The following GSN variants were observed in gnomAD, a reference collection of about 807,000 sequenced individuals.
The protein encoded by GSN is gelsolin.
Under a neutral mutation model 85.7 loss-of-function variants are expected in GSN, and 56 were observed. The observed-to-expected ratio is 0.65, with a 90% confidence interval of 0.53 to 0.82. The LOEUF is 0.82. Ranked by LOEUF, GSN falls within the 40% of genes least tolerant of loss-of-function variation. GSN has a pLI of 0.00. For synonymous variants in GSN, 373 were observed against 399.1 expected (o/e 0.93, Z 0.78); for missense variants, 857 against 979.8 (o/e 0.87, Z 1.67).
intron 2 of GSN, chr9:121,286,165 A>G (rs959385260): frequency 7.8e-6 from 12 of 1,535,128 alleles, no homozygotes; most frequent in Non-Finnish European, 1.0e-5. Flanking sequence ...AGAAGCCCTC[A>G]GGGGCAATTC....
intron 1 of GSN, among the ~76,000 whole-genome samples, chr9:121,278,312 T>C (rs2056913151): frequency 6.6e-6 from 1 of 152,222 alleles, no homozygotes; most frequent in African/African-American, 2.4e-5. Flanking sequence ...CAGAAAATGA[T>C]AACTATTGTT....
intron 5 of GSN, among the ~76,000 whole-genome samples, chr9:121,237,377 C>G (rs2054516209): frequency 6.6e-6 from 1 of 152,116 alleles, no homozygotes; most frequent in Non-Finnish European, 1.5e-5. Context: ...GCTTAGGCAA[C>G]ATAGTGAGAC....
chr9:121,322,486 A>G (rs2062602170), intron 11 of GSN, among the ~76,000 whole-genome samples: 1 of 152,236 alleles, frequency 6.6e-6, no homozygotes, highest in Admixed American at 6.5e-5. Flanking sequence ...CTCTATTACA[A>G]ACATTGCTGT....
intron 5 of GSN, among the ~76,000 whole-genome samples, chr9:121,246,918 G>C (rs565322193): frequency 9.9e-5 from 15 of 152,210 alleles, no homozygotes; most frequent in Admixed American, 9.8e-4. Context: ...AGTTTAAGGC[G>C]TGTGTGATAT....
chr9:121,265,152 A>C (rs1289318795), upstream of GSN: 1 of 152,166 alleles, frequency 6.6e-6, no homozygotes. Flanking sequence ...CTCTGCTTCT[A>C]GGGACAAACT....
At position 121,281,495 on chromosome 9, in the gene GSN, A is replaced by T; in HGVS notation, c.-77A>T. 2.6e-6 allele frequency: 1 copy of T among 388,794 alleles called. No individual in the cohort carries two copies. Among genetic ancestry groups the T allele is most frequent in the South Asian group, 2.0e-5 (1 of 50,230 alleles). The allele number at this position is 388,794 out of a possible 1,614,324, so 24.1% of individuals were successfully genotyped here. On this transcript the variant is annotated 5_prime_UTR_variant, in exon 2 of 18. Transcript: ENST00000432226. ...GTAGTGCTCATAGCTCTCTTTGTCC[A>T]GTGCTTCGGCCTTGGTCCCAGCGCC...
At chr9:121,266,319 A>G (rs545180716), upstream of GSN, among the ~76,000 whole-genome samples, 1 of 152,300 alleles carries the variant, frequency 6.6e-6, no homozygotes, top group South Asian at 2.1e-4. Flanking sequence ...TTTGTCTGAG[A>G]GCAGTTGCTG....
In GSN at chr9:121,318,640, C is replaced by G; in HGVS notation, c.976-25C>G. The G allele has an allele frequency of 6.3e-7, 1 of 1,578,784 alleles. No individual in the cohort carries two copies. Among genetic ancestry groups the G allele is most frequent in the Non-Finnish European group, 8.7e-7 (1 of 1,147,896 alleles). ...CCCTGCTGGGCAGCCCAGCCACATC[C>G]TGCTCCTCTGCCTCCCCTCCCCAGG... On this transcript the variant is annotated intron_variant, in intron 9 of 17. Coordinates refer to ENST00000432226, the MANE Select transcript of GSN (RefSeq NM_198252.3). This position sits in a 1 kb window ranked among gnomAD's most constrained non-coding sequence, Gnocchi z 4.3.
chr9:121,241,517 C>T (rs1416522939), intron 5 of GSN, among the ~76,000 whole-genome samples: 3 of 152,140 alleles, frequency 2.0e-5, no homozygotes, highest in Non-Finnish European at 2.9e-5. Flanking sequence ...GTAACCTCTT[C>T]GGGCCTTAGT....
intron 6 of GSN, among the ~76,000 whole-genome samples, chr9:121,250,698 T>C (rs1002768155): frequency 6.7e-6 from 1 of 148,800 alleles, no homozygotes; most frequent in African/African-American, 2.5e-5. Flanking sequence ...CCACCACGCC[T>C]GGCTTATTTT....
At chr9:121,227,966 G>C (rs1017584126) in intron 4 of GSN, among the ~76,000 whole-genome samples, 4 of 151,980 alleles carry the variant, frequency 2.6e-5, no homozygotes, top group Non-Finnish European at 1.5e-5. Context: ...GGGGTGACCT[G>C]GTCCATATGG....
intron 6 of GSN, among the ~76,000 whole-genome samples, chr9:121,256,323 T>C (rs1188734258): frequency 6.6e-6 from 1 of 152,192 alleles, no homozygotes; most frequent in Non-Finnish European, 1.5e-5. Flanking sequence ...GTGATGTATA[T>C]ATGCACTTGA....
intron 5 of GSN, among the ~76,000 whole-genome samples, chr9:121,247,285 A>G (rs963238464): frequency 6.6e-6 from 1 of 152,182 alleles, no homozygotes; most frequent in African/African-American, 2.4e-5. Flanking sequence ...AGGCTATATC[A>G]GTGCTCAAGG....
At chr9:121,302,726 A>G (rs1371705176) in intron 3 of GSN, among the ~76,000 whole-genome samples, 185 bp from the exon 4 acceptor site, 1 of 152,214 alleles carries the variant, frequency 6.6e-6, no homozygotes, top group Non-Finnish European at 1.5e-5. Context: ...GAGGACGCTT[A>G]GAGAAAAATG....
At chr9:121,244,024 C>T (rs1265634097) in intron 5 of GSN, among the ~76,000 whole-genome samples, 2 of 152,204 alleles carry the variant, frequency 1.3e-5, no homozygotes, top group Non-Finnish European at 2.9e-5. Context: ...TGGCTTAGCC[C>T]CTGGCAACCA....
intron 4 of GSN, among the ~76,000 whole-genome samples, chr9:121,212,838 G>C (rs1004571821): frequency 3.3e-5 from 5 of 151,952 alleles, no homozygotes; most frequent in Non-Finnish European, 7.4e-5. Flanking sequence ...TAGTAGAGTA[G>C]GGGTTTCGCC....
chr9:121,330,017 A>G (rs2063711501), intron 16 of GSN, among the ~76,000 whole-genome samples: 1 of 152,178 alleles, frequency 6.6e-6, no homozygotes, highest in Non-Finnish European at 1.5e-5. Context: ...AAGACTCTAC[A>G]CTACCCACAG....
At chr9:121,297,021 A>G (rs2133060511) in intron 2 of GSN, among the ~76,000 whole-genome samples, 1 of 152,376 alleles carries the variant, frequency 6.6e-6, no homozygotes, top group African/African-American at 2.4e-5. Flanking sequence ...TATGCAGGTC[A>G]GAGTCACACT....
chr9:121,235,258 A>C (rs2054470697), intron 5 of GSN, among the ~76,000 whole-genome samples: 1 of 152,208 alleles, frequency 6.6e-6, no homozygotes, highest in Admixed American at 6.5e-5. Context: ...CAAACATCTC[A>C]AGACGTGAGC....
Sources: allele counts gnomAD v4.1 joint callset (sites outside exome capture counted in the v4.1 genomes callset), GRCh38; gene constraint gnomAD v4.1.1; non-coding constraint Gnocchi (gnomAD v3.1); transcripts MANE v1.5; gene names NCBI Gene and HGNC (gene_info 2026-07-23, HGNC 2026-07-21).